The following BACH2 variants were observed in gnomAD, a reference collection of about 807,000 sequenced individuals.
BACH2 encodes the protein BACH transcriptional regulator 2, also known as transcription regulator protein BACH2.
A neutral mutation model predicts 61.8 loss-of-function variants in BACH2; 5 were observed. That is an observed-to-expected ratio of 0.08 (90% CI 0.04 to 0.17). The LOEUF (loss-of-function observed/expected upper bound fraction) is 0.17. Ranked by LOEUF, BACH2 falls within the 10% of genes least tolerant of loss-of-function variation. The pLI is 1.00. For missense variants in BACH2, 824 were observed against 1,091.1 expected (o/e 0.76, Z 3.45); for synonymous variants, 446 against 440.1 (o/e 1.01, Z -0.17).
At chr6:90,080,578 T>TATA (rs1398634559) in intron 5 of BACH2, among the ~76,000 whole-genome samples, 3 of 152,214 alleles carry the variant, frequency 2.0e-5, no homozygotes, top group Non-Finnish European at 4.4e-5. Flanking sequence ...TTCCAGACTT[T>TATA]TAATAAAAAG....
At chr6:90,050,510 AAG>A (rs1360413156) in intron 5 of BACH2, among the ~76,000 whole-genome samples, 1 of 152,196 alleles carries the variant, frequency 6.6e-6, no homozygotes, top group African/African-American at 2.4e-5. Context: ...TGAACACTAA[AAG>A]AGATATTAGA....
chr6:89,954,925 T>C (rs1648613294), intron 6 of BACH2, among the ~76,000 whole-genome samples: 1 of 152,238 alleles, frequency 6.6e-6, no homozygotes, highest in South Asian at 2.1e-4. Context: ...ACCATGAAAG[T>C]TCAAGAGCTC....
intron 5 of BACH2, among the ~76,000 whole-genome samples, chr6:90,023,563 C>T (rs1400562086): frequency 1.3e-5 from 2 of 152,148 alleles, no homozygotes; most frequent in Non-Finnish European, 2.9e-5. Flanking sequence ...TTATAAATTA[C>T]TCAGTCTCAG....
intron 4 of BACH2, among the ~76,000 whole-genome samples, chr6:90,169,280 C>T (rs1265203062): frequency 6.6e-6 from 1 of 152,014 alleles, no homozygotes; most frequent in Non-Finnish European, 1.5e-5. Context: ...TTTATCTTTA[C>T]AAGAAGATGG....
chr6:90,284,734 T>C (rs1361459469), intron 1 of BACH2, among the ~76,000 whole-genome samples: 1 of 145,688 alleles, frequency 6.9e-6, no homozygotes, highest in African/African-American at 2.5e-5. Flanking sequence ...ATCAAGAGAT[T>C]AAAAAAAAAA....
intron 3 of BACH2, among the ~76,000 whole-genome samples, chr6:90,237,875 G>C (rs199959075): frequency 6.6e-6 from 1 of 152,150 alleles, no homozygotes; most frequent in East Asian, 1.9e-4. Flanking sequence ...AAAGACAACG[G>C]TGGACGAGCA....
chr6:90,192,874 G>A (rs1768622968), intron 4 of BACH2, among the ~76,000 whole-genome samples: 1 of 152,204 alleles, frequency 6.6e-6, no homozygotes, highest in Non-Finnish European at 1.5e-5. Flanking sequence ...GCTAGAATAG[G>A]ATTCTCAAAC....
intron 7 of BACH2, among the ~76,000 whole-genome samples, chr6:89,946,156 G>A (rs546161923): frequency 3.0e-4 from 45 of 152,302 alleles, no homozygotes; most frequent in African/African-American, 1.0e-3. Context: ...ATTCCTACAT[G>A]TTGATTTAAA....
intron 4 of BACH2, among the ~76,000 whole-genome samples, chr6:90,141,536 C>T (rs1784461750): frequency 6.7e-6 from 1 of 149,688 alleles, no homozygotes; most frequent in Non-Finnish European, 1.5e-5. Context: ...ACCATATATA[C>T]CTGAATATAA....
intron 2 of BACH2, among the ~76,000 whole-genome samples, chr6:90,271,376 A>G (rs576708517): frequency 3.5e-4 from 52 of 150,376 alleles, no homozygotes; most frequent in Admixed American, 7.9e-4. Context: ...TAAAAAAAAA[A>G]AAAAAAGAAA....
chr6:90,251,558 T>C (rs1199454287), intron 3 of BACH2, among the ~76,000 whole-genome samples: 1 of 97,302 alleles, frequency 1.0e-5, no homozygotes, highest in Non-Finnish European at 3.0e-5. Context: ...ACTCTTTTGC[T>C]AGTCATATTA....
Position 90,066,346 on chromosome 6 carries a change from G to A in BACH2, c.-13+22615C>T, listed in dbSNP as rs548589029. Among the ~76,000 whole-genome samples, 4 of 152,306 alleles carry A rather than the reference G, an allele frequency of 2.6e-5. No individual in the cohort carries two copies. The South Asian group carries it at 6.2e-4, about 24-fold the overall frequency. ...GTAAGTAGAAGCTATAGCTGGCCAT[G>A]TGACTCTGGGTCATGGGGTGGGGGT... On this transcript the variant is annotated intron_variant, in intron 5 of 8. Coordinates refer to ENST00000257749, the MANE Select transcript of BACH2 (RefSeq NM_021813.4).
chr6:90,171,725 T>C (rs891852703), intron 4 of BACH2, among the ~76,000 whole-genome samples: 8 of 152,314 alleles, frequency 5.3e-5, no homozygotes, highest in Middle Eastern at 3.4e-3. Context: ...GCTTTAGCTA[T>C]TGAATGTATT....
At position 90,187,511 on chromosome 6, in the gene BACH2, T is replaced by C. The variant is rs564055153; in HGVS notation, c.-162+19058A>G. On this transcript the variant is annotated intron_variant, in intron 4 of 8. Coordinates refer to ENST00000257749, the MANE Select transcript of BACH2 (RefSeq NM_021813.4). ...CTGAGGCTTTTGGTAGGGTCTTCTC[T>C]GCAATCTGCTTCTACTATGTGATGG... is the stretch of plus-strand genomic sequence containing the variant. Among the ~76,000 whole-genome samples, 14 of 152,338 alleles carry C rather than the reference T, an allele frequency of 9.2e-5. 1 individual carries two copies. The South Asian group carries it at 1.9e-3, about 20-fold the overall frequency.
At chr6:90,061,798 G>A (rs1436023909) in intron 5 of BACH2, among the ~76,000 whole-genome samples, 2 of 152,192 alleles carry the variant, frequency 1.3e-5, no homozygotes, top group African/African-American at 2.4e-5. Flanking sequence ...AAGCTATTGA[G>A]AAGCTGAGGA....
chr6:90,174,480 T>C (rs1171935175), intron 4 of BACH2, among the ~76,000 whole-genome samples: 1 of 151,952 alleles, frequency 6.6e-6, no homozygotes, highest in Non-Finnish European at 1.5e-5. Flanking sequence ...GTTTTATCTA[T>C]CACTATTTTA....
chr6:90,159,287 T>C (rs1785107002), intron 4 of BACH2, among the ~76,000 whole-genome samples: 2 of 152,118 alleles, frequency 1.3e-5, no homozygotes, highest in South Asian at 4.1e-4. Context: ...AATTAACACA[T>C]GTGGAAAAAG....
chr6:89,966,122 C>T (rs1775033801), intron 6 of BACH2, among the ~76,000 whole-genome samples: 1 of 152,136 alleles, frequency 6.6e-6, no homozygotes, highest in Admixed American at 6.5e-5. Context: ...ACAGAGTATG[C>T]CTTATCAGCA....
In BACH2 at chr6:90,013,759, T is replaced by C. The variant is rs182346594; in HGVS notation, c.-12-4903A>G. 6.0e-3 allele frequency among the ~76,000 whole-genome samples: 910 copies of C among 152,088 alleles called. 7 individuals carry two copies. Among genetic ancestry groups the C allele is most frequent in the African/African-American group, 0.011 (461 of 41,470 alleles). On this transcript the variant is annotated intron_variant, in intron 5 of 8. Transcript: ENST00000257749. ...TCCTGACTTTGTGATCCCCCCGCCT[T>C]GGCCTCTGAAAGTGCTGGGATTATA...
Sources: allele counts gnomAD v4.1 joint callset (sites outside exome capture counted in the v4.1 genomes callset), GRCh38; gene constraint gnomAD v4.1.1; transcripts MANE v1.5; gene names NCBI Gene and HGNC (gene_info 2026-07-23, HGNC 2026-07-21).